SNTG1: variants seen among roughly 807,000 people sequenced by gnomAD.
SNTG1 encodes the protein gamma-1-syntrophin.
A neutral mutation model predicts 74.7 loss-of-function variants in SNTG1; 39 were observed. The ratio of observed to expected loss-of-function variants is 0.52; its 90% CI spans 0.40 to 0.68. The LOEUF is 0.68. Among genes scored for constraint, SNTG1 ranks in the 30% least tolerant of loss-of-function variants. The pLI, the probability that SNTG1 is intolerant of heterozygous loss-of-function variation, is 0.00. For synonymous variants in SNTG1, 254 were observed against 217.1 expected, an observed-to-expected ratio of 1.17 and a Z score of -1.49; for missense variants, 685 against 609.5, an observed-to-expected ratio of 1.12 and a Z score of -1.30.
chr8:50,273,457 C>T (rs2087900797), intron 2 of SNTG1, among the ~76,000 whole-genome samples: 1 of 152,128 alleles, frequency 6.6e-6, no homozygotes, highest in South Asian at 2.1e-4. Context: ...AATAATTCTG[C>T]CCTCTTGAGC....
intron 2 of SNTG1, among the ~76,000 whole-genome samples, chr8:50,216,816 A>G (rs1257011536): frequency 6.6e-6 from 1 of 152,076 alleles, no homozygotes; most frequent in Non-Finnish European, 1.5e-5. Context: ...AACTTAGTGA[A>G]TGATTTTAGA....
intron 15 of SNTG1, among the ~76,000 whole-genome samples, chr8:50,669,363 C>T (rs924598218): frequency 6.6e-6 from 1 of 152,028 alleles, no homozygotes; most frequent in Non-Finnish European, 1.5e-5. Flanking sequence ...GGGGATATCA[C>T]CACTGATCCC....
intron 1 of SNTG1, among the ~76,000 whole-genome samples, chr8:50,094,671 C>A (rs574730641): frequency 3.3e-4 from 50 of 151,974 alleles, no homozygotes; most frequent in African/African-American, 1.2e-3. Context: ...ATGAAAGAGT[C>A]AAAAAAATAA....
chr8:50,205,233 T>A (rs961457162), intron 2 of SNTG1, among the ~76,000 whole-genome samples: 3 of 152,220 alleles, frequency 2.0e-5, no homozygotes, highest in African/African-American at 4.8e-5. Flanking sequence ...CAGCACCTGT[T>A]GTTTCCTGAC....
intron 13 of SNTG1, among the ~76,000 whole-genome samples, chr8:50,600,782 T>C (rs2094767457): frequency 6.6e-6 from 1 of 152,078 alleles, no homozygotes; most frequent in Non-Finnish European, 1.5e-5. Flanking sequence ...TGTTTATTTG[T>C]ATATAATTTA....
intron 1 of SNTG1, among the ~76,000 whole-genome samples, chr8:49,988,214 G>A (rs895389325): frequency 2.0e-5 from 3 of 152,094 alleles, no homozygotes; most frequent in Non-Finnish European, 4.4e-5. Flanking sequence ...GGCGTGCAGA[G>A]TTGTTACAAT....
intron 1 of SNTG1, among the ~76,000 whole-genome samples, chr8:49,952,056 G>T (rs925842684): frequency 1.1e-4 from 16 of 152,038 alleles, no homozygotes; most frequent in African/African-American, 3.9e-4. Context: ...TGGAGCCTGG[G>T]GAAAGCTTTC....
chr8:50,501,581 G>A (rs1046568950), intron 8 of SNTG1, among the ~76,000 whole-genome samples: 2 of 150,232 alleles, frequency 1.3e-5, no homozygotes, highest in African/African-American at 4.9e-5. Context: ...GATTACAGAC[G>A]CCTGCCACGA....
chr8:50,043,409 C>A (rs1412618744), intron 1 of SNTG1, among the ~76,000 whole-genome samples: 1 of 152,146 alleles, frequency 6.6e-6, no homozygotes, highest in East Asian at 1.9e-4. Flanking sequence ...CCAGCAGGAA[C>A]AAGATGAAAA....
chr8:50,286,012 G>A (rs938720925), intron 2 of SNTG1, among the ~76,000 whole-genome samples: 1 of 151,566 alleles, frequency 6.6e-6, no homozygotes, highest in Admixed American at 6.6e-5. Context: ...CCTCACACTT[G>A]AACCCTTCTA....
chr8:50,346,550 C>G (rs1434973832), intron 2 of SNTG1, among the ~76,000 whole-genome samples: 4 of 152,154 alleles, frequency 2.6e-5, no homozygotes, highest in Non-Finnish European at 5.9e-5. Flanking sequence ...CCACGTTTCT[C>G]CCTTTAAATC....
chr8:50,182,228 G>A (rs1035571601), intron 2 of SNTG1, among the ~76,000 whole-genome samples: 1 of 152,160 alleles, frequency 6.6e-6, no homozygotes, highest in Non-Finnish European at 1.5e-5. Flanking sequence ...CACCAGTCAA[G>A]TTTATGCCTT....
chr8:50,240,660 C>T (rs181493790), intron 2 of SNTG1, among the ~76,000 whole-genome samples: 93 of 152,126 alleles, frequency 6.1e-4, no homozygotes, highest in Non-Finnish European at 1.2e-3. Flanking sequence ...CCATCCTCCC[C>T]GACATTGTCT....
intron 5 of SNTG1, among the ~76,000 whole-genome samples, chr8:50,439,511 T>C (rs2093338002): frequency 6.6e-6 from 1 of 152,014 alleles, no homozygotes; most frequent in Non-Finnish European, 1.5e-5. Flanking sequence ...CAGTATGCAA[T>C]AGCGTTGTAT....
At chr8:50,273,753 G>A (rs2087920309) in intron 2 of SNTG1, among the ~76,000 whole-genome samples, 1 of 152,156 alleles carries the variant, frequency 6.6e-6, no homozygotes, top group Non-Finnish European at 1.5e-5. Flanking sequence ...ATCATGCCAA[G>A]GTCCTAAAAT....
intron 1 of SNTG1, among the ~76,000 whole-genome samples, chr8:50,065,429 C>T (rs1379755300): frequency 1.3e-5 from 2 of 152,036 alleles, no homozygotes; most frequent in African/African-American, 4.8e-5. Context: ...AATAAAATCG[C>T]ATTTTAATTT....
chr8:50,723,617 TTC>T (rs1045137527), intron 17 of SNTG1, among the ~76,000 whole-genome samples: 3 of 152,200 alleles, frequency 2.0e-5, no homozygotes, highest in African/African-American at 7.2e-5. Context: ...TTAAAATTGA[TTC>T]TGTTTTAATA....
At chr8:50,264,096 T>G (rs923711385) in intron 2 of SNTG1, among the ~76,000 whole-genome samples, 1 of 152,052 alleles carries the variant, frequency 6.6e-6, no homozygotes, top group Non-Finnish European at 1.5e-5. Context: ...GATATCAAAA[T>G]GAGAATTACA....
At chr8:50,653,638 T>A (rs1349883671) in intron 13 of SNTG1, among the ~76,000 whole-genome samples, 1 of 152,208 alleles carries the variant, frequency 6.6e-6, no homozygotes, top group African/African-American at 2.4e-5. Flanking sequence ...TGAAGTTTTA[T>A]ACATTTCACT....
Sources: gnomAD v4.1 joint callset for allele counts (sites outside exome capture counted in the v4.1 genomes callset) on GRCh38, gnomAD v4.1.1 for gene constraint, MANE v1.5 for transcripts, NCBI Gene and HGNC (gene_info 2026-07-23, HGNC 2026-07-21) for gene names.